The following USP15 variants were observed in gnomAD, a reference collection of about 807,000 sequenced individuals.
USP15 encodes the protein ubiquitin carboxyl-terminal hydrolase 15.
USP15 carries 18 observed loss-of-function variants against 127.1 expected under a neutral mutation model. The observed-to-expected ratio is 0.14, with a 90% CI of 0.10 to 0.21. USP15 has a LOEUF of 0.21. USP15 is among the 10% of genes least tolerant of loss of function. USP15 has a pLI of 1.00. For synonymous variants in USP15, 364 were observed against 393.7 expected (o/e 0.92, Z 0.89); for missense variants, 805 against 1,159.9 (o/e 0.69, Z 4.44).
intron 8 of USP15, among the ~76,000 whole-genome samples, chr12:62,379,201 CAA>C (rs59155021): frequency 8.2e-5 from 11 of 134,682 alleles, no homozygotes; most frequent in Admixed American, 7.4e-5. Flanking sequence ...TTAGTAAGGC[CAA>C]AAAAAAAAAA....
chr12:62,397,358 G>A (rs1399512328), intron 20 of USP15, among the ~76,000 whole-genome samples: 2 of 152,176 alleles, frequency 1.3e-5, no homozygotes, highest in Non-Finnish European at 2.9e-5. Context: ...AAGCCATCTA[G>A]GCTTTGCAGC....
At chr12:62,286,891 C>G (rs558227712) in intron 1 of USP15, among the ~76,000 whole-genome samples, 1 of 150,504 alleles carries the variant, frequency 6.6e-6, no homozygotes, top group Admixed American at 6.6e-5. Context: ...GAGCTGAGAT[C>G]GCACCATTGC....
At chr12:62,318,057 T>G (rs1385971480) in intron 4 of USP15, among the ~76,000 whole-genome samples, 1 of 152,226 alleles carries the variant, frequency 6.6e-6, no homozygotes, top group Non-Finnish European at 1.5e-5. Context: ...TGCTTTTCAT[T>G]AACTGGCTAG....
At chr12:62,296,131 ACAGC>A (rs2137163029) in intron 2 of USP15, among the ~76,000 whole-genome samples, 1 of 152,342 alleles carries the variant, frequency 6.6e-6, no homozygotes, top group South Asian at 2.1e-4. Flanking sequence ...CCTCAGGTTG[ACAGC>A]CAGCAAGGAA....
At chr12:62,333,335 C>T (rs557061842) in intron 6 of USP15, among the ~76,000 whole-genome samples, 6 of 152,312 alleles carry the variant, frequency 3.9e-5, no homozygotes, top group Admixed American at 2.0e-4. Context: ...GGAGCAGTCA[C>T]AGCTCACTGT....
chr12:62,272,737 G>A (rs1017193692), intron 1 of USP15, among the ~76,000 whole-genome samples: 4 of 151,900 alleles, frequency 2.6e-5, no homozygotes, highest in Non-Finnish European at 5.9e-5. Flanking sequence ...TTTCTCCAGA[G>A]CCATTGAAAA....
chr12:62,284,011 G>GA (rs1025993251), intron 1 of USP15, among the ~76,000 whole-genome samples: 4 of 152,106 alleles, frequency 2.6e-5, no homozygotes, highest in African/African-American at 9.7e-5. Flanking sequence ...ATTAATTGGG[G>GA]AAAAAATGTA....
intron 1 of USP15, among the ~76,000 whole-genome samples, chr12:62,292,464 G>T (rs1353452637): frequency 6.6e-6 from 1 of 152,214 alleles, no homozygotes; most frequent in East Asian, 1.9e-4. Flanking sequence ...AGAGGCCACT[G>T]CCAGTGGAAC....
rs952129321 is a variant in USP15 at position 62,407,666 on chromosome 12, C to G, written c.*3291C>G. The stretch of plus-strand genomic sequence containing the variant: ...CTTACCTTTTCATCTAACTTGTGTC[C>G]CCTTCTTTCCATTTCCCCAAATGCA... On this transcript the variant is annotated 3_prime_UTR_variant, in exon 22 of 22. Transcript: ENST00000280377. 2.0e-5 allele frequency: 3 copies of G among 151,646 alleles called. No homozygotes were observed. Among genetic ancestry groups the G allele is most frequent in the African/African-American group, 7.3e-5 (3 of 41,252 alleles). 9.4% of individuals were successfully genotyped at this position (151,646 alleles called of 1,614,324 possible).
At chr12:62,339,963 C>A (rs1299430761) in intron 6 of USP15, among the ~76,000 whole-genome samples, 1 of 152,134 alleles carries the variant, frequency 6.6e-6, no homozygotes, top group Non-Finnish European at 1.5e-5. Context: ...AGGAATGGTA[C>A]CAGCTCCTCT....
chr12:62,379,429 A>G (rs2137559222), intron 8 of USP15, among the ~76,000 whole-genome samples: 1 of 152,290 alleles, frequency 6.6e-6, no homozygotes, highest in South Asian at 2.1e-4. Flanking sequence ...ATAGCAAGGA[A>G]GCAACATGAT....
At chr12:62,317,251 T>TA (rs1489574764) in intron 4 of USP15, among the ~76,000 whole-genome samples, 1 of 152,184 alleles carries the variant, frequency 6.6e-6, no homozygotes, top group Non-Finnish European at 1.5e-5. Context: ...TGGTTATGGT[T>TA]ATAGTACAGG....
At chr12:62,305,075 G>A (rs1191732183) in intron 3 of USP15, among the ~76,000 whole-genome samples, 1 of 152,060 alleles carries the variant, frequency 6.6e-6, no homozygotes, top group Non-Finnish European at 1.5e-5. Flanking sequence ...TAAATGGAAT[G>A]CAGTAAGTAA....
intron 11 of USP15, among the ~76,000 whole-genome samples, chr12:62,386,447 T>A (rs541716041): frequency 1.6e-4 from 25 of 152,080 alleles, no homozygotes; most frequent in Non-Finnish European, 2.5e-4. Context: ...AAGCTTGTCA[T>A]ACAGTGTGAA....
chr12:62,369,380 G>A (rs956277853), intron 8 of USP15, among the ~76,000 whole-genome samples: 3 of 151,446 alleles, frequency 2.0e-5, no homozygotes, highest in Admixed American at 6.6e-5. Flanking sequence ...AGAAATTCCC[G>A]TATCAGAAAT....
At chr12:62,394,507 G>A (rs533098380) in intron 19 of USP15, among the ~76,000 whole-genome samples, 6 of 151,822 alleles carry the variant, frequency 4.0e-5, no homozygotes, top group African/African-American at 1.5e-4. Flanking sequence ...TAACAAAATA[G>A]TGAGCCATAA....
chr12:62,400,611 G>T (rs547327207), intron 20 of USP15, among the ~76,000 whole-genome samples: 3 of 120,276 alleles, frequency 2.5e-5, no homozygotes, highest in Admixed American at 2.3e-4. Context: ...AGATTCTGGT[G>T]TTAAAAAAAA....
chr12:62,392,396 C>T lies in USP15; in HGVS notation c.2420+9C>T. On this transcript the variant is annotated intron_variant, in intron 18 of 21. Transcript: ENST00000280377. ...GGTGCTGAAGATCCCTGGTAAGAGA[C>T]AAAATTAAATAATTGTTTTTGTTTT... is the stretch of plus-strand genomic sequence containing the variant. The T allele has an allele frequency of 6.5e-7, 1 of 1,548,310 alleles. No individual in the cohort carries two copies. The highest frequency in any genetic ancestry group is 8.8e-7 in the Non-Finnish European group (1 of 1,142,764).
At chr12:62,346,560 T>C (rs569996986) in intron 6 of USP15, among the ~76,000 whole-genome samples, 154 of 152,342 alleles carry the variant, frequency 1.0e-3, no homozygotes, top group Middle Eastern at 3.4e-3. Context: ...ATCCAAGATA[T>C]GTTGCCCTTG....
Sources: gnomAD v4.1 joint callset for allele counts (sites outside exome capture counted in the v4.1 genomes callset) on GRCh38, gnomAD v4.1.1 for gene constraint, MANE v1.5 for transcripts, NCBI Gene and HGNC (gene_info 2026-07-23, HGNC 2026-07-21) for gene names.